MORC1: variants seen among roughly 807,000 people sequenced by gnomAD.
MORC1 encodes MORC family CW-type zinc finger protein 1.
In MORC1, 59 loss-of-function variants were observed where a neutral mutation model predicts 134.9. That is an observed-to-expected ratio of 0.44 (90% CI 0.35 to 0.54). The LOEUF is 0.54. MORC1 is among the 20% of genes least tolerant of loss of function. The probability of loss-of-function intolerance (pLI) is 0.00; values close to 1 mark genes in which losing one functional copy is unlikely to be tolerated. For synonymous variants in MORC1, 395 were observed against 391.7 expected, an observed-to-expected ratio of 1.01 and a Z score of -0.10; for missense variants, 947 against 1,134.5, an observed-to-expected ratio of 0.83 and a Z score of 2.37.
chr3:109,042,303 A>G (rs969822122), intron 14 of MORC1, among the ~76,000 whole-genome samples: 4 of 152,226 alleles, frequency 2.6e-5, no homozygotes, highest in African/African-American at 9.7e-5. Context: ...AAGAAGACAT[A>G]TAAGTGGCCA....
At chr3:109,100,613 T>C in intron 4 of MORC1, 106 bp from the exon 5 acceptor site, 1 of 841,914 alleles carries the variant, frequency 1.2e-6, no homozygotes, top group East Asian at 2.5e-5. Context: ...GACAAACCCA[T>C]AGCTCTTGGG....
chr3:109,082,205 C>G (rs1202740189), intron 8 of MORC1, among the ~76,000 whole-genome samples: 2 of 151,630 alleles, frequency 1.3e-5, no homozygotes, highest in African/African-American at 4.9e-5. Flanking sequence ...TGGGTTATAG[C>G]ACCACCTAGT....
intron 17 of MORC1, among the ~76,000 whole-genome samples, chr3:109,009,190 T>G (rs1948621022): frequency 6.6e-6 from 1 of 150,586 alleles, no homozygotes. Context: ...TTCTTTCCTA[T>G]TTTTACGTTT....
intron 2 of MORC1, among the ~76,000 whole-genome samples, chr3:109,111,069 CA>C (rs1951159940): frequency 2.1e-5 from 2 of 96,166 alleles, no homozygotes; most frequent in African/African-American, 7.5e-5. Flanking sequence ...AAAAAAAAAA[CA>C]AAAAAAGCTG....
At chr3:109,103,096 T>C (rs1409766220) in intron 4 of MORC1, among the ~76,000 whole-genome samples, 3 of 152,208 alleles carry the variant, frequency 2.0e-5, no homozygotes, top group Non-Finnish European at 4.4e-5. Context: ...CTTTCCTCAG[T>C]TGTGGAACTG....
intron 17 of MORC1, among the ~76,000 whole-genome samples, chr3:109,018,295 A>G (rs1290220074): frequency 6.6e-6 from 1 of 152,214 alleles, no homozygotes; most frequent in African/African-American, 2.4e-5. Flanking sequence ...GACTAAAAGA[A>G]CAAATCTTAG....
At chr3:109,031,100 G>C (rs926841460) in intron 16 of MORC1, among the ~76,000 whole-genome samples, 1 of 152,150 alleles carries the variant, frequency 6.6e-6, no homozygotes, top group Non-Finnish European at 1.5e-5. Flanking sequence ...CCAATGCAGG[G>C]ACAACAGTAA....
rs373044410 is a variant in MORC1, at chr3:109,007,061, C to T, written c.1735G>A (p.Val579Ile). ...PQFIPVDEIT[V>I]TSTCLTSAHK... The stretch of plus-strand genomic sequence containing the variant: ...GCTGAAGTTAGGCAGGTGGAAGTGA[C>T]AGTGATTTCGTCCACTGGTATAAAT... Residue 579 changes from valine to isoleucine, a missense_variant, in exon 18 of 28, where the codon GTC becomes ATC. Transcript: ENST00000232603. 3 of 1,612,260 alleles carry T rather than the reference C, an allele frequency of 1.9e-6. No individual in the cohort carries two copies. The South Asian group carries it at 3.3e-5, about 18-fold the overall frequency.
intron 17 of MORC1, 31 bp downstream of exon 17, chr3:109,027,720 T>C (rs1949115050): frequency 3.7e-6 from 6 of 1,613,154 alleles, no homozygotes; most frequent in Admixed American, 1.7e-5. Context: ...AGAGTCACAG[T>C]AGAATTAGGG....
intron 3 of MORC1, among the ~76,000 whole-genome samples, chr3:109,106,873 G>A (rs1456365630): frequency 6.6e-6 from 1 of 152,090 alleles, no homozygotes; most frequent in Non-Finnish European, 1.5e-5. Flanking sequence ...CTGCTCTCCT[G>A]CTTCAAACCT....
At chr3:109,106,438 T>C (rs555460713) in intron 3 of MORC1, among the ~76,000 whole-genome samples, 2 of 152,292 alleles carry the variant, frequency 1.3e-5, no homozygotes, top group East Asian at 3.9e-4. Context: ...AATCCCCCAT[T>C]ATCCACTCTG....
At chr3:109,091,012 C>T (rs960649449) in intron 8 of MORC1, among the ~76,000 whole-genome samples, 6 of 152,042 alleles carry the variant, frequency 3.9e-5, no homozygotes, top group African/African-American at 1.5e-4. Flanking sequence ...AGAACTAATC[C>T]TTTAGGACTA....
chr3:109,024,190 C>T (rs764795212), intron 17 of MORC1, among the ~76,000 whole-genome samples: 2 of 152,044 alleles, frequency 1.3e-5, no homozygotes, highest in Admixed American at 1.3e-4. Context: ...GTTCTTATGT[C>T]CTTTTTGTCT....
At chr3:109,009,199 TTTTTGTTG>T (rs1412322802) in intron 17 of MORC1, among the ~76,000 whole-genome samples, 7 of 137,490 alleles carry the variant, frequency 5.1e-5, no homozygotes, top group African/African-American at 1.7e-4. Context: ...ATTTTTACGT[TTTTTGTTG>T]TTTTTTTTTT....
intron 21 of MORC1, among the ~76,000 whole-genome samples, chr3:109,000,002 T>C (rs1394499539): frequency 6.6e-6 from 1 of 152,178 alleles, no homozygotes; most frequent in Non-Finnish European, 1.5e-5. Context: ...TACACTTGGT[T>C]CAGTGAAGGC....
At chr3:109,023,976 T>C (rs1486646561) in intron 17 of MORC1, among the ~76,000 whole-genome samples, 1 of 152,202 alleles carries the variant, frequency 6.6e-6, no homozygotes, top group Non-Finnish European at 1.5e-5. Context: ...TGGGGATGGG[T>C]TGTATTCAGA....
At chr3:109,008,506 C>G (rs555586680) in intron 17 of MORC1, among the ~76,000 whole-genome samples, 1 of 151,366 alleles carries the variant, frequency 6.6e-6, no homozygotes, top group African/African-American at 2.4e-5. Flanking sequence ...GTTTAGGTAT[C>G]CCTGAGCTGA....
intron 11 of MORC1, among the ~76,000 whole-genome samples, chr3:109,060,393 T>C (rs905797341): frequency 1.1e-4 from 17 of 151,788 alleles, no homozygotes; most frequent in Admixed American, 4.6e-4. Context: ...CAGTTACCTT[T>C]CTTATTAAAC....
chr3:109,041,066 C>G (rs1949534105), intron 14 of MORC1, among the ~76,000 whole-genome samples: 1 of 151,852 alleles, frequency 6.6e-6, no homozygotes, highest in African/African-American at 2.4e-5. Flanking sequence ...AATCCCAGCA[C>G]TTTGGGAGGC....
Sources: allele counts gnomAD v4.1 joint callset (sites outside exome capture counted in the v4.1 genomes callset), GRCh38; gene constraint gnomAD v4.1.1; transcripts MANE v1.5; gene names NCBI Gene and HGNC (gene_info 2026-07-23, HGNC 2026-07-21).